The following ZC3H12B variants were observed in gnomAD, a reference collection of about 807,000 sequenced individuals.
ZC3H12B encodes zinc finger CCCH-type containing 12B.
In ZC3H12B, 7 loss-of-function variants were observed where a neutral mutation model predicts 43.9. The observed-to-expected ratio is 0.16, with a 90% confidence interval of 0.09 to 0.30. ZC3H12B has a LOEUF of 0.30. Among genes scored for constraint, ZC3H12B ranks in the 10% least tolerant of loss-of-function variants. ZC3H12B has a pLI of 1.00. For missense variants in ZC3H12B, 475 were observed against 670.2 expected, an observed-to-expected ratio of 0.71 and a Z score of 3.22; for synonymous variants, 222 against 241.7, an observed-to-expected ratio of 0.92 and a Z score of 0.76.
At chrX:65,450,846 T>C (rs750298690) in intron 3 of ZC3H12B, among the ~76,000 whole-genome samples, 1 of 86,042 alleles carries the variant, frequency 1.2e-5, no homozygotes, top group Non-Finnish European at 2.2e-5. Flanking sequence ...TATATGTATA[T>C]ATATACATAT....
chrX:65,409,884 T>C (rs1357287410), intron 3 of ZC3H12B, among the ~76,000 whole-genome samples: 2 of 110,909 alleles, frequency 1.8e-5, no homozygotes, highest in East Asian at 5.6e-4. Flanking sequence ...ATATTCATAC[T>C]ACACAAAGCA....
At chrX:65,148,236 G>T in the ZC3H12B span, among the ~76,000 whole-genome samples, 1 of 110,386 alleles carries the variant, frequency 9.1e-6, no homozygotes, top group African/African-American at 3.3e-5. Flanking sequence ...GGCTGACCTG[G>T]CTCTTTGCTG....
chrX:65,182,402 A>G, the ZC3H12B span, among the ~76,000 whole-genome samples: 1 of 111,419 alleles, frequency 9.0e-6, no homozygotes, highest in Admixed American at 9.6e-5. Context: ...CATGTATCCC[A>G]GAACTTAAAG....
chrX:65,124,146 T>C, the ZC3H12B span, among the ~76,000 whole-genome samples: 1 of 111,344 alleles, frequency 9.0e-6, no homozygotes, highest in African/African-American at 3.3e-5. Context: ...TGGCTTTTAT[T>C]ACATTAAGTT....
the ZC3H12B span, among the ~76,000 whole-genome samples, chrX:65,059,215 A>AGC: frequency 1.4e-5 from 1 of 74,053 alleles, no homozygotes; most frequent in African/African-American, 1.4e-4. Context: ...GCCATCTTGG[A>AGC]ACCACCCCCC....
At chrX:65,037,190 G>T in the ZC3H12B span, among the ~76,000 whole-genome samples, 1 of 110,697 alleles carries the variant, frequency 9.0e-6, no homozygotes, top group Non-Finnish European at 1.9e-5. Flanking sequence ...GAGACACCAT[G>T]GTCAACAATT....
chrX:65,450,363 G>GTA (rs1384530709), intron 3 of ZC3H12B, among the ~76,000 whole-genome samples: 1 of 75,762 alleles, frequency 1.3e-5, no homozygotes, highest in East Asian at 4.0e-4. Flanking sequence ...ATATATGTGT[G>GTA]TATATACATA....
chrX:65,307,479 C>T, the ZC3H12B span, among the ~76,000 whole-genome samples: 4 of 111,511 alleles, frequency 3.6e-5, no homozygotes, highest in Non-Finnish European at 7.5e-5. Context: ...ACTTTTCAAA[C>T]TAAGAAATAC....
chrX:65,477,775 A>T (rs781735812), intron 3 of ZC3H12B, among the ~76,000 whole-genome samples: 2 of 109,487 alleles, frequency 1.8e-5, no homozygotes, highest in South Asian at 8.1e-4. Flanking sequence ...AAAAAAAAAA[A>T]TTTCAATAAA....
chrX:65,087,435 G>A, the ZC3H12B span, among the ~76,000 whole-genome samples: 1 of 112,190 alleles, frequency 8.9e-6, no homozygotes, highest in Non-Finnish European at 1.9e-5. Context: ...ATATATACAA[G>A]GGATAACTAA....
the ZC3H12B span, among the ~76,000 whole-genome samples, chrX:65,267,694 T>C: frequency 1.8e-5 from 2 of 111,079 alleles, no homozygotes; most frequent in South Asian, 7.4e-4. Context: ...AAAGAAGAAA[T>C]CAAAAGGGGA....
intron 3 of ZC3H12B, among the ~76,000 whole-genome samples, chrX:65,462,362 CT>C (rs1255461893): frequency 1.8e-5 from 2 of 110,508 alleles, no homozygotes; most frequent in African/African-American, 6.6e-5. Flanking sequence ...AAATACAAAA[CT>C]TAGCCGGGCG....
At chrX:65,116,482 G>A in the ZC3H12B span, among the ~76,000 whole-genome samples, 1 of 111,224 alleles carries the variant, frequency 9.0e-6, no homozygotes, top group Admixed American at 9.6e-5. Context: ...CAGATAATGT[G>A]TTGCTTCCAG....
the ZC3H12B span, among the ~76,000 whole-genome samples, chrX:65,155,633 C>A: frequency 9.0e-6 from 1 of 111,100 alleles, no homozygotes. Flanking sequence ...GCAGGAGGAT[C>A]CATTGAGCCC....
chrX:65,437,159 G>A, intron 3 of ZC3H12B, among the ~76,000 whole-genome samples: 1 of 110,259 alleles, frequency 9.1e-6, no homozygotes, highest in Non-Finnish European at 1.9e-5. Flanking sequence ...CACCATGTGG[G>A]CCAGGCTGGT....
At chrX:65,180,817 A>G in the ZC3H12B span, among the ~76,000 whole-genome samples, 1 of 111,833 alleles carries the variant, frequency 8.9e-6, no homozygotes, top group African/African-American at 3.2e-5. Flanking sequence ...ATGAAAATGG[A>G]CATAGTAATC....
the ZC3H12B span, among the ~76,000 whole-genome samples, chrX:65,206,487 T>C: frequency 9.0e-6 from 1 of 111,703 alleles, no homozygotes; most frequent in African/African-American, 3.3e-5. Flanking sequence ...GATCCTCATC[T>C]CTCACCTTAT....
intron 3 of ZC3H12B, among the ~76,000 whole-genome samples, chrX:65,450,789 GTATATATATACA>G (rs1205678360): frequency 1.6e-5 from 1 of 61,779 alleles, no homozygotes; most frequent in Non-Finnish European, 2.8e-5. Flanking sequence ...GTGTATATAT[GTATATATATACA>G]TATGTGTATA....
the ZC3H12B span, among the ~76,000 whole-genome samples, chrX:65,103,575 G>A: frequency 8.9e-6 from 1 of 111,932 alleles, no homozygotes; most frequent in Admixed American, 9.5e-5. Flanking sequence ...TATTGATTAT[G>A]GAAGTGATAA....
Sources: allele counts gnomAD v4.1 joint callset (sites outside exome capture counted in the v4.1 genomes callset), GRCh38; gene constraint gnomAD v4.1.1; transcripts MANE v1.5; gene names NCBI Gene and HGNC (gene_info 2026-07-23, HGNC 2026-07-21).